ORC3: variants seen among roughly 807,000 people sequenced by gnomAD.
ORC3 encodes the protein origin recognition complex subunit 3, also known as homolog of latheo, Drosophila.
In ORC3, 78 loss-of-function variants were observed where a neutral mutation model predicts 100.7. The ratio of observed to expected loss-of-function variants is 0.77; its 90% confidence interval spans 0.65 to 0.94. ORC3 has a LOEUF of 0.94. ORC3 is among the 40% of genes least tolerant of loss of function. ORC3 has a pLI of 0.00. For synonymous variants in ORC3, 295 were observed against 289.3 expected (o/e 1.02, Z -0.20); for missense variants, 789 against 823.9 (o/e 0.96, Z 0.52).
chr6:87,592,022 C>T (rs890167353), intron 1 of ORC3, among the ~76,000 whole-genome samples: 5 of 152,310 alleles, frequency 3.3e-5, no homozygotes, highest in Middle Eastern at 3.4e-3. Flanking sequence ...TGAGCCACCA[C>T]GCCCGGTCCT....
intron 13 of ORC3, among the ~76,000 whole-genome samples, chr6:87,640,429 G>A (rs1257243251): frequency 1.3e-5 from 2 of 152,290 alleles, no homozygotes; most frequent in Non-Finnish European, 2.9e-5. Context: ...GCCATTATTT[G>A]ACATGAGCTC....
intron 9 of ORC3, among the ~76,000 whole-genome samples, chr6:87,621,134 A>T (rs976615308): frequency 4.6e-5 from 7 of 152,122 alleles, no homozygotes. Context: ...TATTTCAAAG[A>T]TTACCATTTT....
At chr6:87,635,942 A>G (rs1767784027) in intron 12 of ORC3, among the ~76,000 whole-genome samples, 1 of 148,240 alleles carries the variant, frequency 6.7e-6, no homozygotes, top group South Asian at 2.1e-4. Flanking sequence ...TTTTATATAA[A>G]TTGCATTTTT....
chr6:87,596,236 C>T (rs1195731738), intron 2 of ORC3, among the ~76,000 whole-genome samples: 3 of 150,344 alleles, frequency 2.0e-5, no homozygotes, highest in Non-Finnish European at 4.4e-5. Flanking sequence ...CAGGTTCAAG[C>T]GATTCTCCTG....
At chr6:87,673,670 G>A in the ORC3 span, among the ~76,000 whole-genome samples, 3 of 151,898 alleles carry the variant, frequency 2.0e-5, no homozygotes, top group Non-Finnish European at 2.9e-5. Flanking sequence ...GTGAAACCCC[G>A]TCTCTACTAA....
chr6:87,676,308 CA>C, the ORC3 span, among the ~76,000 whole-genome samples: 6 of 149,900 alleles, frequency 4.0e-5, no homozygotes, highest in East Asian at 2.0e-4. Flanking sequence ...ACTAAAAATA[CA>C]AAAAAATTAG....
intron 11 of ORC3, among the ~76,000 whole-genome samples, chr6:87,624,348 G>A (rs1013769017): frequency 6.6e-6 from 1 of 152,130 alleles, no homozygotes; most frequent in Non-Finnish European, 1.5e-5. Flanking sequence ...GCCGGGCATA[G>A]TGGTGCATGC....
chr6:87,658,254 G>A (rs1048292163), intron 16 of ORC3, among the ~76,000 whole-genome samples: 1 of 152,094 alleles, frequency 6.6e-6, no homozygotes, highest in Non-Finnish European at 1.5e-5. Context: ...TCAGGAGATC[G>A]AGACCATCCT....
At chr6:87,604,657 A>T (rs1778202921) in intron 4 of ORC3, among the ~76,000 whole-genome samples, 1 of 152,240 alleles carries the variant, frequency 6.6e-6, no homozygotes, top group Non-Finnish European at 1.5e-5. Context: ...ATATAATGTT[A>T]TTAATAAATA....
At chr6:87,617,767 A>G (rs913865491) in intron 9 of ORC3, among the ~76,000 whole-genome samples, 2 of 152,024 alleles carry the variant, frequency 1.3e-5, no homozygotes, top group African/African-American at 4.8e-5. Context: ...GATTTTAAAA[A>G]CCTATATATG....
At chr6:87,630,901 C>T (rs1583087659) in intron 11 of ORC3, among the ~76,000 whole-genome samples, 1 of 151,658 alleles carries the variant, frequency 6.6e-6, no homozygotes, top group East Asian at 1.9e-4. Flanking sequence ...GAGACAGTTT[C>T]GCTCTGTCAC....
At chr6:87,662,606 ATC>A (rs904306704) in intron 16 of ORC3, among the ~76,000 whole-genome samples, 1 of 152,192 alleles carries the variant, frequency 6.6e-6, no homozygotes, top group African/African-American at 2.4e-5. Context: ...AAATGTAGAT[ATC>A]TGTTTTCTCA....
At chr6:87,676,792 A>G in the ORC3 span, among the ~76,000 whole-genome samples, 28 of 142,448 alleles carry the variant, frequency 2.0e-4, no homozygotes, top group African/African-American at 6.8e-4. Context: ...AAAAAAAACA[A>G]TTGGCCGGGC....
downstream of ORC3, among the ~76,000 whole-genome samples, chr6:87,670,426 A>G (rs753412038): frequency 1.3e-5 from 2 of 152,154 alleles, no homozygotes; most frequent in Non-Finnish European, 2.9e-5. Context: ...TAGGCTTCCC[A>G]AAGTGCTGGG....
intron 16 of ORC3, among the ~76,000 whole-genome samples, chr6:87,659,048 G>A (rs1251833267): frequency 1.4e-5 from 2 of 144,212 alleles, no homozygotes. Flanking sequence ...TGTTATCATT[G>A]TTTATTGTAA....
intron 13 of ORC3, among the ~76,000 whole-genome samples, chr6:87,651,619 ACC>A (rs1769275275): frequency 6.6e-6 from 1 of 152,176 alleles, no homozygotes; most frequent in African/African-American, 2.4e-5. Context: ...TTTTAAAAAA[ACC>A]CTGTGGAAAT....
At chr6:87,662,970 A>G (rs1442249016) in intron 16 of ORC3, 33 bp from the exon 17 acceptor site, 1 of 1,524,220 alleles carries the variant, frequency 6.6e-7, no homozygotes, top group Non-Finnish European at 8.9e-7. Flanking sequence ...ACCTGTGCTT[A>G]TCTAAACATG....
downstream of ORC3, among the ~76,000 whole-genome samples, chr6:87,669,104 C>T (rs758977996): frequency 2.0e-5 from 3 of 152,246 alleles, no homozygotes; most frequent in African/African-American, 4.8e-5. Context: ...TTGTAGTGAG[C>T]TGAGATTACA....
At chr6:87,616,760 G>C (rs926738326) in intron 9 of ORC3, among the ~76,000 whole-genome samples, 2 of 151,750 alleles carry the variant, frequency 1.3e-5, no homozygotes, top group East Asian at 1.9e-4. Flanking sequence ...TATATATAAG[G>C]GGTCAGCAAA....
Sources: allele counts gnomAD v4.1 joint callset (sites outside exome capture counted in the v4.1 genomes callset), GRCh38; gene constraint gnomAD v4.1.1; transcripts MANE v1.5; gene names NCBI Gene and HGNC (gene_info 2026-07-23, HGNC 2026-07-21).